The following CYTH2 variants were observed in gnomAD, a reference collection of about 807,000 sequenced individuals.
CYTH2 encodes cytohesin 2.
A neutral mutation model predicts 55.4 loss-of-function variants in CYTH2; 24 were observed. The ratio of observed to expected loss-of-function variants is 0.43; its 90% CI spans 0.31 to 0.61. CYTH2 has a LOEUF of 0.61. Ranked by LOEUF, CYTH2 falls within the 20% of genes least tolerant of loss-of-function variation. CYTH2 has a pLI of 0.08. For synonymous variants in CYTH2, 221 were observed against 209.6 expected (o/e 1.05, Z -0.47); for missense variants, 378 against 533.5 (o/e 0.71, Z 2.87).
Position 48,474,055 on chromosome 19 carries a change from A to G in CYTH2, c.547+38A>G. The stretch of plus-strand genomic sequence containing the variant: ...AATCCTGGGTCCTGGGAAAGAGGAG[A>G]CTGGGGCCCAGACTCCTAGGTCTGA... On this transcript the variant is annotated intron_variant, in intron 6 of 11. Coordinates refer to ENST00000452733, the MANE Select transcript of CYTH2 (RefSeq NM_004228.7). This position sits in a 1 kb window ranked among gnomAD's most constrained non-coding sequence, Gnocchi z 4.9. 2 of 1,570,422 alleles carry G rather than the reference A, an allele frequency of 1.3e-6. No homozygotes were observed. The highest frequency in any genetic ancestry group is 2.7e-5 in the African/African-American group (2 of 73,182).
chr19:48,474,382 AC>A lies in CYTH2; in HGVS notation c.696+57del. 1 of 1,480,818 alleles carries A rather than the reference AC, an allele frequency of 6.8e-7. No homozygotes were observed. The highest frequency in any genetic ancestry group is 9.0e-7 in the Non-Finnish European group (1 of 1,114,146). 91.7% of individuals were successfully genotyped at this position (1,480,818 alleles called of 1,614,324 possible). On this transcript the variant is annotated intron_variant, in intron 7 of 11. Transcript: ENST00000452733. The surrounding 1 kb of genome is among the most constrained non-coding windows in gnomAD (Gnocchi z 4.9). ...CCCTGCCCCTCTTCCTGCCACAGAC[AC>A]CCCCGCCCCACCTGTGGTCTCCTAG...
At chr19:48,478,011 TC>T (rs1211558229) in intron 8 of CYTH2, 57 bp from the exon 9 acceptor site, 1 of 1,442,234 alleles carries the variant, frequency 6.9e-7, no homozygotes, top group African/African-American at 1.4e-5. Flanking sequence ...CCCTCCCATC[TC>T]CCAGAGGCCC....
intron 3 of CYTH2, among the ~76,000 whole-genome samples, chr19:48,471,021 A>G (rs1319810020): frequency 1.3e-5 from 2 of 152,118 alleles, no homozygotes; most frequent in Non-Finnish European, 2.9e-5. Flanking sequence ...GCCGTGACGG[A>G]GGAAGGTATC....
Position 48,478,809 on chromosome 19 carries a change from C to A in CYTH2, c.1112+217C>A, listed in dbSNP as rs542983394. 7.4e-4 allele frequency among the ~76,000 whole-genome samples: 91 copies of A among 122,248 alleles called. 2 individuals are homozygous for A. The highest frequency in any genetic ancestry group is 2.4e-3 in the African/African-American group (60 of 24,726). 80.2% of individuals were successfully genotyped at this position (122,248 alleles called of 152,430 possible). A position where few individuals can be genotyped will look rare whatever the true frequency, so the allele number is the denominator to read the frequency against. ...CACCTGGGTCTGACGGAGGAGGGGC[C>A]GGGGGCCTGGACCCCTGGGTCTGAC... On this transcript the variant is annotated intron_variant, in intron 11 of 11. Coordinates refer to ENST00000452733, the MANE Select transcript of CYTH2 (RefSeq NM_004228.7).
In CYTH2 at chr19:48,474,987, A is replaced by G. The variant is rs780113139; in HGVS notation, c.808+38A>G. 1.3e-6 allele frequency: 2 copies of G among 1,591,066 alleles called. No individual in the cohort carries two copies. Among genetic ancestry groups the G allele is most frequent in the East Asian group, 4.5e-5 (2 of 44,654 alleles). On this transcript the variant is annotated intron_variant, in intron 8 of 11. Transcript: ENST00000452733. This position sits in a 1 kb window ranked among gnomAD's most constrained non-coding sequence, Gnocchi z 4.9. ...CCGACCCCGCTGGTCCCTCCGCAGG[A>G]GGACATTTGTGGGCCTGGGCCCTGG...
At chr19:48,478,994 CG>C (rs1971997839) in intron 11 of CYTH2, 128 bp from the exon 12 acceptor site, 1 of 873,970 alleles carries the variant, frequency 1.1e-6, no homozygotes. Flanking sequence ...GAGGAGGGGC[CG>C]GGGGCCTGGA....
rs1158007566 is a variant in CYTH2, at chr19:48,469,528, TAGGTCGGGGA to T, written c.19+3_19+12del. 1 of 1,328,496 alleles carries T rather than the reference TAGGTCGGGGA, an allele frequency of 7.5e-7. No individual in the cohort carries two copies. The highest frequency in any genetic ancestry group is 9.7e-7 in the Non-Finnish European group (1 of 1,031,838). 82.3% of individuals were successfully genotyped at this position (1,328,496 alleles called of 1,614,324 possible). On this transcript the variant is annotated splice_donor_5th_base_variant and intron_variant, in intron 1 of 11. Transcript: ENST00000452733. ...CCGCCATGGAGGACGGCGTCTATGG[TAGGTCGGGGA>T]GGGGCGGGGTCGGCTGGGAGTTGCT...
intron 1 of CYTH2, chr19:48,469,966 C>T (rs1264778791): frequency 1.8e-6 from 1 of 552,666 alleles, no homozygotes; most frequent in Non-Finnish European, 3.6e-6. Context: ...TTCATGGACC[C>T]AGTAGTCCGG....
chr19:48,470,545 G>A, intron 2 of CYTH2, 45 bp downstream of exon 2: 1 of 1,614,054 alleles, frequency 6.2e-7, no homozygotes, highest in Non-Finnish European at 8.5e-7. Context: ...GGTTGGCTGA[G>A]GCCAGGGATG....
In CYTH2 at chr19:48,474,441, G is replaced by A. The variant is rs544272639; in HGVS notation, c.696+111G>A. The A allele has an allele frequency of 4.8e-4, 556 of 1,165,280 alleles. 1 individual carries two copies. Among genetic ancestry groups the A allele is most frequent in the Non-Finnish European group, 6.3e-4 (537 of 846,832 alleles). The allele number at this position is 1,165,280 out of a possible 1,614,324, so 72.2% of individuals were successfully genotyped here. A position where few individuals can be genotyped will look rare whatever the true frequency, so the allele number is the denominator to read the frequency against. Reference sequence around the variant, plus strand: ...GCTGTCTGCCCTCACCCCCAAGATGGTGCGATCATGCCAACTCGTGTGTGA... The same window carrying A: ...GCTGTCTGCCCTCACCCCCAAGATGATGCGATCATGCCAACTCGTGTGTGA... On this transcript the variant is annotated intron_variant, in intron 7 of 11. Coordinates refer to ENST00000452733, the MANE Select transcript of CYTH2 (RefSeq NM_004228.7). The surrounding 1 kb of genome is among the most constrained non-coding windows in gnomAD (Gnocchi z 4.9).
Position 48,479,355 on chromosome 19 carries a change from T to C in CYTH2, c.*145T>C. On this transcript the variant is annotated 3_prime_UTR_variant, in exon 12 of 12. Coordinates refer to ENST00000452733, the MANE Select transcript of CYTH2 (RefSeq NM_004228.7). Reference sequence around the variant, plus strand: ...TCACTGTTCTTTGTAATTAACACGCTGTTGGTAATCTTATTAATTATTTAA... The same window carrying C: ...TCACTGTTCTTTGTAATTAACACGCCGTTGGTAATCTTATTAATTATTTAA... 1 of 731,316 alleles carries C rather than the reference T, an allele frequency of 1.4e-6. No homozygotes were observed. Among genetic ancestry groups the C allele is most frequent in the South Asian group, 1.8e-5 (1 of 55,574 alleles). 45.3% of individuals were successfully genotyped at this position (731,316 alleles called of 1,614,324 possible).
chr19:48,479,507 G>A lies in CYTH2; in HGVS notation c.*297G>A, dbSNP rs1487928513. On this transcript the variant is annotated 3_prime_UTR_variant, in exon 12 of 12. Transcript: ENST00000452733. ...TCTGGGTGCTGCCTGGGCTGTCCCG[G>A]TGGGTCTGTTCTGGTTTCACCCCGA... 2.1e-5 allele frequency: 9 copies of A among 435,228 alleles called. No homozygotes were observed. The East Asian group carries it at 3.7e-4, about 18-fold the overall frequency. The allele number at this position is 435,228 out of a possible 1,614,324, so 27.0% of individuals were successfully genotyped here.
rs974584763 is a variant in CYTH2, at chr19:48,474,557, C to A, written c.696+227C>A. Among the ~76,000 whole-genome samples, 1 of 152,208 alleles carries A rather than the reference C, an allele frequency of 6.6e-6. No homozygotes were observed. Among genetic ancestry groups the A allele is most frequent in the Non-Finnish European group, 1.5e-5 (1 of 68,028 alleles). On this transcript the variant is annotated intron_variant, in intron 7 of 11. Transcript: ENST00000452733. The surrounding 1 kb of genome is among the most constrained non-coding windows in gnomAD (Gnocchi z 4.9). ...TTTGGCCTGTCTGTCTTCTCTGTCT[C>A]TGGCTGTTGGGCTTTCCGGCCCTCG...
intron 1 of CYTH2, chr19:48,470,034 C>T (rs1038116585): frequency 1.2e-5 from 7 of 599,950 alleles, no homozygotes; most frequent in Non-Finnish European, 2.2e-5. Context: ...AGGCCTCAGT[C>T]CCCTTCCAAG....
Position 48,479,514 on chromosome 19 carries a change from T to A in CYTH2, c.*304T>A. On this transcript the variant is annotated 3_prime_UTR_variant, in exon 12 of 12. Transcript: ENST00000452733. Reference sequence around the variant, plus strand: ...GCTGCCTGGGCTGTCCCGGTGGGTCTGTTCTGGTTTCACCCCGAGCCCAGC... The same window carrying A: ...GCTGCCTGGGCTGTCCCGGTGGGTCAGTTCTGGTTTCACCCCGAGCCCAGC... The A allele has an allele frequency of 2.5e-6, 1 of 395,498 alleles. No individual in the cohort carries two copies. 24.5% of individuals were successfully genotyped at this position (395,498 alleles called of 1,614,324 possible).
At chr19:48,475,148 A>AC in intron 8 of CYTH2, 199 bp downstream of exon 8, 2 of 563,244 alleles carry the variant, frequency 3.6e-6, no homozygotes, top group South Asian at 4.6e-5. Context: ...TGTAGTAAGT[A>AC]CTTCCCAACC....
At chr19:48,472,205 A>C in intron 3 of CYTH2, 120 bp from the exon 4 acceptor site, 1 of 838,728 alleles carries the variant, frequency 1.2e-6, no homozygotes, top group Non-Finnish European at 1.9e-6. Flanking sequence ...AGAAGGCTGA[A>C]AATGAAACCT....
At position 48,472,708 on chromosome 19, in the gene CYTH2, G is replaced by C. The variant is rs533155655; in HGVS notation, c.353+265G>C. ...GGAAGCATCCATTTATGTCTGAGAA[G>C]GGTAGAGAACATCTCTCAAGGATCA... On this transcript the variant is annotated intron_variant, in intron 4 of 11. Transcript: ENST00000452733. 4 of 509,052 alleles carry C rather than the reference G, an allele frequency of 7.9e-6. No homozygotes were observed. In the Admixed American group the frequency reaches 8.8e-5, roughly 11 times the overall value. The allele number at this position is 509,052 out of a possible 1,614,324, so 31.5% of individuals were successfully genotyped here. A position where few individuals can be genotyped will look rare whatever the true frequency, so the allele number is the denominator to read the frequency against.
chr19:48,482,300 T>C lies in CYTH2; in HGVS notation c.*3090T>C, dbSNP rs1972055607. On this transcript the variant is annotated 3_prime_UTR_variant, in exon 12 of 12. Coordinates refer to ENST00000452733, the MANE Select transcript of CYTH2 (RefSeq NM_004228.7). ...CCCCACAAAAAACTTTATATTAAAA[T>C]CCTAACCCCCAGCATCTCAGAATGT... The C allele has an allele frequency of 6.7e-6, 1 of 150,194 alleles. No individual in the cohort carries two copies. Among genetic ancestry groups the C allele is most frequent in the South Asian group, 2.1e-4 (1 of 4,778 alleles). The allele number at this position is 150,194 out of a possible 1,614,324, so 9.3% of individuals were successfully genotyped here.
Sources: gnomAD v4.1 joint callset for allele counts (sites outside exome capture counted in the v4.1 genomes callset) on GRCh38, gnomAD v4.1.1 for gene constraint, Gnocchi (gnomAD v3.1) non-coding constraint, MANE v1.5 for transcripts, NCBI Gene and HGNC (gene_info 2026-07-23, HGNC 2026-07-21) for gene names.